The following KCTD8 variants were observed in gnomAD, a reference collection of about 807,000 sequenced individuals.
KCTD8 encodes potassium channel tetramerization domain containing 8.
Under a neutral mutation model 31.5 loss-of-function variants are expected in KCTD8, and 27 were observed. The observed-to-expected ratio is 0.86, with a 90% CI of 0.63 to 1.18. The LOEUF (loss-of-function observed/expected upper bound fraction) is 1.18, where lower values mean the gene tolerates loss of function less well. Among genes scored for constraint, KCTD8 ranks in the 50% most tolerant of loss-of-function variants. The pLI is 0.00. For missense variants in KCTD8, 658 were observed against 647.7 expected, an observed-to-expected ratio of 1.02 and a Z score of -0.17; for synonymous variants, 290 against 280.0, an observed-to-expected ratio of 1.04 and a Z score of -0.36.
intron 1 of KCTD8, among the ~76,000 whole-genome samples, chr4:44,268,853 A>G (rs1237355262): frequency 4.6e-5 from 7 of 152,016 alleles, no homozygotes; most frequent in African/African-American, 1.4e-4. Context: ...GGACCTCTTC[A>G]AGGAGAACTA....
At chr4:44,317,603 A>G (rs981232100) in intron 1 of KCTD8, among the ~76,000 whole-genome samples, 2 of 152,142 alleles carry the variant, frequency 1.3e-5, no homozygotes, top group South Asian at 2.1e-4. Context: ...AACACTTACT[A>G]CACGATCCTC....
chr4:44,362,298 G>A (rs1719518106), intron 1 of KCTD8, among the ~76,000 whole-genome samples: 1 of 152,076 alleles, frequency 6.6e-6, no homozygotes, highest in Non-Finnish European at 1.5e-5. Flanking sequence ...CAGATGAGAA[G>A]CATAAAGAGA....
chr4:44,420,165 G>A (rs755227802), intron 1 of KCTD8, among the ~76,000 whole-genome samples: 3 of 151,922 alleles, frequency 2.0e-5, no homozygotes, highest in Non-Finnish European at 4.4e-5. Context: ...ACAACTCATG[G>A]GAGGACAGAG....
intron 1 of KCTD8, among the ~76,000 whole-genome samples, chr4:44,301,196 T>C (rs1350930489): frequency 2.0e-5 from 3 of 152,192 alleles, no homozygotes; most frequent in Admixed American, 6.5e-5. Flanking sequence ...TGTGTCTTTA[T>C]AGCAGCATAA....
chr4:44,192,184 T>TGCATTAAAGCAATTTC (rs1464906779), intron 1 of KCTD8, among the ~76,000 whole-genome samples: 1 of 152,244 alleles, frequency 6.6e-6, no homozygotes, highest in African/African-American at 2.4e-5. Flanking sequence ...ACATTTCTAG[T>TGCATTAAAGCAATTTC]TACTGACCAA....
chr4:44,353,663 C>T (rs895545357), intron 1 of KCTD8, among the ~76,000 whole-genome samples: 1 of 152,022 alleles, frequency 6.6e-6, no homozygotes, highest in Non-Finnish European at 1.5e-5. Context: ...TCTACTGTCT[C>T]CACTAGTTCA....
intron 1 of KCTD8, among the ~76,000 whole-genome samples, chr4:44,253,321 T>C (rs2109362377): frequency 6.6e-6 from 1 of 151,888 alleles, no homozygotes; most frequent in Non-Finnish European, 1.5e-5. Flanking sequence ...TTAGTAGATA[T>C]TGGCTATTCA....
Position 44,237,740 on chromosome 4 carries a change from T to C in KCTD8, c.962-62490A>G, listed in dbSNP as rs576235608. 2.2e-4 allele frequency among the ~76,000 whole-genome samples: 33 copies of C among 152,310 alleles called. 1 individual carries two copies. In the South Asian group the frequency reaches 3.7e-3, roughly 17 times the overall value. On this transcript the variant is annotated intron_variant, in intron 1 of 1. Coordinates refer to ENST00000360029, the MANE Select transcript of KCTD8 (RefSeq NM_198353.3). ...GTCCTCCTGATCCTTTATTTAACTCTAAGCATATGCACATTTTGTAACAAC... is the reference window on the plus strand; with the variant it reads ...GTCCTCCTGATCCTTTATTTAACTCCAAGCATATGCACATTTTGTAACAAC...
chr4:44,216,433 A>G (rs193278129), intron 1 of KCTD8, among the ~76,000 whole-genome samples: 2 of 152,284 alleles, frequency 1.3e-5, no homozygotes, highest in East Asian at 3.9e-4. Context: ...TGACACAATA[A>G]AGTAGAAGGC....
chr4:44,234,530 T>C (rs1277283081), intron 1 of KCTD8, among the ~76,000 whole-genome samples: 1 of 152,178 alleles, frequency 6.6e-6, no homozygotes, highest in African/African-American at 2.4e-5. Flanking sequence ...GTAGTATTAA[T>C]ACATGTCAAC....
chr4:44,261,848 T>C (rs899225408), intron 1 of KCTD8, among the ~76,000 whole-genome samples: 2 of 152,054 alleles, frequency 1.3e-5, no homozygotes, highest in African/African-American at 4.8e-5. Context: ...GATTTGAATG[T>C]GGTGACCATT....
intron 1 of KCTD8, among the ~76,000 whole-genome samples, chr4:44,344,109 C>T (rs1048874158): frequency 1.4e-4 from 21 of 151,924 alleles, no homozygotes; most frequent in Non-Finnish European, 2.4e-4. Context: ...CACCCACCTC[C>T]GCCTCCCAAA....
intron 1 of KCTD8, among the ~76,000 whole-genome samples, chr4:44,222,014 C>A (rs942818888): frequency 1.3e-5 from 2 of 152,152 alleles, no homozygotes; most frequent in African/African-American, 4.8e-5. Flanking sequence ...AAATCAATAA[C>A]CATGTCTGTG....
At chr4:44,214,736 T>G (rs542377018) in intron 1 of KCTD8, among the ~76,000 whole-genome samples, 1 of 152,306 alleles carries the variant, frequency 6.6e-6, no homozygotes, top group South Asian at 2.1e-4. Flanking sequence ...AGTTTAACTT[T>G]GAAACAAAGT....
chr4:44,199,360 C>G lies in KCTD8; in HGVS notation c.962-24110G>C, dbSNP rs1193773937. ...CAAACCACAGAATATATATTCTTCT[C>G]ATGTACACTTAGAACGTATTCAAAA... is the stretch of plus-strand genomic sequence containing the variant. On this transcript the variant is annotated intron_variant, in intron 1 of 1. Coordinates refer to ENST00000360029, the MANE Select transcript of KCTD8 (RefSeq NM_198353.3). Among the ~76,000 whole-genome samples the G allele has an allele frequency of 2.0e-5, 3 of 152,062 alleles. No individual in the cohort carries two copies. In the East Asian group the frequency reaches 5.8e-4, roughly 29 times the overall value.
intron 1 of KCTD8, among the ~76,000 whole-genome samples, chr4:44,315,577 T>G (rs1289725912): frequency 6.6e-6 from 1 of 152,126 alleles, no homozygotes; most frequent in Non-Finnish European, 1.5e-5. Context: ...TGTCTCATAT[T>G]TTGGAGTAGG....
In KCTD8 at chr4:44,447,917, C is replaced by A. The variant is rs1380053110; in HGVS notation, c.607G>T (p.Asp203Tyr). Reference sequence around the variant, plus strand: ...AGCGTGAGGAAGCCCGAGCGCTTGTCCTGCGCGCCGCCGCCGCCGCCACCA... The same window carrying A: ...AGCGTGAGGAAGCCCGAGCGCTTGTACTGCGCGCCGCCGCCGCCGCCACCA... The part of the protein sequence containing the change: ...HGGGGGGGAQ[D>Y]KRSGFLTLGY... The change falls in exon 1 of 2, where the codon GAC (aspartate) becomes TAC (tyrosine). Residue 203 changes from aspartate (D) to tyrosine (Y), a missense_variant. Transcript: ENST00000360029. The A allele has an allele frequency of 2.1e-6, 3 of 1,447,316 alleles. No individual in the cohort carries two copies. The highest frequency in any genetic ancestry group is 2.7e-6 in the Non-Finnish European group (3 of 1,099,098). The allele number at this position is 1,447,316 out of a possible 1,614,324, so 89.7% of individuals were successfully genotyped here.
chr4:44,240,815 C>T (rs1715437113), intron 1 of KCTD8, among the ~76,000 whole-genome samples: 1 of 152,188 alleles, frequency 6.6e-6, no homozygotes, highest in Non-Finnish European at 1.5e-5. Flanking sequence ...CAAAATAACA[C>T]ATTTAGGGCT....
intron 1 of KCTD8, among the ~76,000 whole-genome samples, chr4:44,404,398 T>C (rs1243038088): frequency 6.6e-6 from 1 of 152,162 alleles, no homozygotes; most frequent in Non-Finnish European, 1.5e-5. Context: ...GTTTTGAAAA[T>C]ACCAACAGGA....
Sources: gnomAD v4.1 joint callset for allele counts (sites outside exome capture counted in the v4.1 genomes callset) on GRCh38, gnomAD v4.1.1 for gene constraint, MANE v1.5 for transcripts, NCBI Gene and HGNC (gene_info 2026-07-23, HGNC 2026-07-21) for gene names.